CADM1: variants seen among roughly 807,000 people sequenced by gnomAD.
CADM1 encodes cell adhesion molecule 1.
CADM1 carries 15 observed loss-of-function variants against 53.1 expected under a neutral mutation model. That is an observed-to-expected ratio of 0.28 (90% CI 0.19 to 0.44). The LOEUF is 0.44. Ranked by LOEUF, CADM1 falls within the 20% of genes least tolerant of loss-of-function variation. CADM1 has a pLI of 1.00. For missense variants in CADM1, 434 were observed against 611.3 expected, an observed-to-expected ratio of 0.71 and a Z score of 3.06; for synonymous variants, 281 against 243.0, an observed-to-expected ratio of 1.16 and a Z score of -1.45.
chr11:115,232,013 T>TAACAACAACAACAAC (rs1555045692), intron 3 of CADM1, among the ~76,000 whole-genome samples: 1 of 146,890 alleles, frequency 6.8e-6, no homozygotes, highest in Non-Finnish European at 1.5e-5. Flanking sequence ...ATAATAATAA[T>TAACAACAACAACAAC]AACAACAACA....
chr11:115,441,878 CAAAA>C (rs956605248), intron 1 of CADM1, among the ~76,000 whole-genome samples: 1 of 151,314 alleles, frequency 6.6e-6, no homozygotes, highest in African/African-American at 2.4e-5. Flanking sequence ...CAAAAACAAA[CAAAA>C]AAAACCCATG....
intron 1 of CADM1, among the ~76,000 whole-genome samples, chr11:115,289,855 A>C (rs1222074046): frequency 2.0e-5 from 3 of 152,060 alleles, no homozygotes; most frequent in Admixed American, 6.5e-5. Context: ...TCGGCCTCCC[A>C]AAGTGCTGGG....
chr11:115,214,813 T>G (rs376680394), intron 6 of CADM1, 33 bp from the exon 7 acceptor site: 34 of 1,607,240 alleles, frequency 2.1e-5, no homozygotes, highest in Admixed American at 3.3e-5. Context: ...ACAAGTCACA[T>G]TATCATTCCC....
chr11:115,456,257 CAT>C (rs1365820154), intron 1 of CADM1, among the ~76,000 whole-genome samples: 3 of 151,664 alleles, frequency 2.0e-5, no homozygotes, highest in Non-Finnish European at 4.4e-5. Flanking sequence ...TATGAATATA[CAT>C]AAAAGTATGT....
chr11:115,272,590 G>A (rs2135051786), intron 1 of CADM1, among the ~76,000 whole-genome samples: 1 of 152,014 alleles, frequency 6.6e-6, no homozygotes, highest in East Asian at 1.9e-4. Flanking sequence ...ATTTGAAGAG[G>A]ACAAACTTCA....
chr11:115,504,255 C>A lies in CADM1; in HGVS notation c.124+16G>T. 1.9e-6 allele frequency: 3 copies of A among 1,570,214 alleles called. No individual in the cohort carries two copies. The highest frequency in any genetic ancestry group is 2.6e-6 in the Non-Finnish European group (3 of 1,158,258). On this transcript the variant is annotated intron_variant, in intron 1 of 11. Coordinates refer to ENST00000331581, the MANE Select transcript of CADM1 (RefSeq NM_001301043.2). ...TTCGGAGATTTAGGGGCCAACCGGTCGGTGCCCACACCTACCTGTGGGGAT... is the reference window on the plus strand; with the variant it reads ...TTCGGAGATTTAGGGGCCAACCGGTAGGTGCCCACACCTACCTGTGGGGAT...
chr11:115,343,965 G>C (rs2135252297), intron 1 of CADM1, among the ~76,000 whole-genome samples: 1 of 152,170 alleles, frequency 6.6e-6, no homozygotes, highest in South Asian at 2.1e-4. Context: ...CTAAAATTTG[G>C]TAATTAATAA....
intron 1 of CADM1, among the ~76,000 whole-genome samples, chr11:115,471,664 C>A (rs1023481370): frequency 6.6e-6 from 1 of 152,218 alleles, no homozygotes; most frequent in Non-Finnish European, 1.5e-5. Context: ...GGCATTCTAA[C>A]ATGTTCCCAG....
chr11:115,392,879 A>C (rs974091226), intron 1 of CADM1, among the ~76,000 whole-genome samples: 7 of 152,040 alleles, frequency 4.6e-5, no homozygotes, highest in African/African-American at 1.7e-4. Context: ...TAGAGGATTA[A>C]AAGTGGTGAA....
chr11:115,259,706 G>A (rs980589801), intron 1 of CADM1, among the ~76,000 whole-genome samples: 3 of 151,984 alleles, frequency 2.0e-5, no homozygotes, highest in African/African-American at 7.3e-5. Context: ...CTTAACGTTC[G>A]GTATAGCCCA....
At chr11:115,308,194 G>GTATATATATA (rs560354243) in intron 1 of CADM1, among the ~76,000 whole-genome samples, 7 of 123,978 alleles carry the variant, frequency 5.6e-5, no homozygotes, top group African/African-American at 2.1e-4. Context: ...TCATAGGTGT[G>GTATATATATA]TATATATATA....
At chr11:115,321,138 C>CT (rs1292226179) in intron 1 of CADM1, among the ~76,000 whole-genome samples, 1 of 152,110 alleles carries the variant, frequency 6.6e-6, no homozygotes, top group Non-Finnish European at 1.5e-5. Context: ...TTATGCCAGC[C>CT]TTCAAGTAAT....
At chr11:115,369,965 T>C (rs1447282799) in intron 1 of CADM1, among the ~76,000 whole-genome samples, 25 of 152,224 alleles carry the variant, frequency 1.6e-4, no homozygotes, top group Admixed American at 1.6e-3. Context: ...TGTTAAGATA[T>C]GACTTATCCT....
intron 11 of CADM1, among the ~76,000 whole-genome samples, chr11:115,178,234 G>T (rs1257637025): frequency 6.6e-6 from 1 of 152,186 alleles, no homozygotes; most frequent in Non-Finnish European, 1.5e-5. Context: ...GGGGACAGGG[G>T]ATAGGGGGAA....
At chr11:115,283,142 T>C (rs946165994) in intron 1 of CADM1, among the ~76,000 whole-genome samples, 1 of 152,208 alleles carries the variant, frequency 6.6e-6, no homozygotes, top group African/African-American at 2.4e-5. Flanking sequence ...CTGCTTCATA[T>C]AGTTTTCTAA....
At chr11:115,312,616 C>T (rs978997767) in intron 1 of CADM1, among the ~76,000 whole-genome samples, 4 of 152,064 alleles carry the variant, frequency 2.6e-5, no homozygotes, top group Non-Finnish European at 4.4e-5. Flanking sequence ...AAACAAAGAG[C>T]TTAGAACACA....
chr11:115,240,808 C>G (rs1417741393), intron 1 of CADM1: 1 of 269,800 alleles, frequency 3.7e-6, no homozygotes, highest in Non-Finnish European at 7.2e-6. Flanking sequence ...TGCCCTTGAG[C>G]TAAGCTATTT....
At chr11:115,393,493 C>A in intron 1 of CADM1, among the ~76,000 whole-genome samples, 1 of 146,774 alleles carries the variant, frequency 6.8e-6, no homozygotes, top group African/African-American at 2.5e-5. Context: ...TGTCATTAAT[C>A]AAACAGAAGA....
rs371834949 is a variant in CADM1, at chr11:115,285,038, TGAA to T, written c.125-44621_125-44619del. The stretch of plus-strand genomic sequence containing the variant: ...TCAATCTCAATGCTGCCTGACAGTA[TGAA>T]GGATTGCTAATTTCTTATGCTCTCA... On this transcript the variant is annotated intron_variant, in intron 1 of 11. Coordinates refer to ENST00000331581, the MANE Select transcript of CADM1 (RefSeq NM_001301043.2). Among the ~76,000 whole-genome samples, 237 of 152,316 alleles carry T rather than the reference TGAA, an allele frequency of 1.6e-3. 3 individuals carry two copies. The highest frequency in any genetic ancestry group is 0.014 in the Middle Eastern group (4 of 294).
Sources: allele counts gnomAD v4.1 joint callset (sites outside exome capture counted in the v4.1 genomes callset), GRCh38; gene constraint gnomAD v4.1.1; transcripts MANE v1.5; gene names NCBI Gene and HGNC (gene_info 2026-07-23, HGNC 2026-07-21).